The following DLGAP1 variants were observed in gnomAD, a reference collection of about 807,000 sequenced individuals.
The protein encoded by DLGAP1 is DLG associated protein 1.
Under a neutral mutation model 90.8 loss-of-function variants are expected in DLGAP1, and 11 were observed. That is an observed-to-expected ratio of 0.12 (90% CI 0.08 to 0.20). DLGAP1 has a LOEUF of 0.20. Among genes scored for constraint, DLGAP1 ranks in the 10% least tolerant of loss-of-function variants. The probability of loss-of-function intolerance (pLI) is 1.00; values close to 1 mark genes in which losing one functional copy is unlikely to be tolerated. For missense variants in DLGAP1, 1,050 were observed against 1,333.8 expected, an observed-to-expected ratio of 0.79 and a Z score of 3.31; for synonymous variants, 558 against 540.7, an observed-to-expected ratio of 1.03 and a Z score of -0.44.
intron 7 of DLGAP1, among the ~76,000 whole-genome samples, chr18:3,613,051 T>C (rs1182095122): frequency 6.6e-6 from 1 of 152,088 alleles, no homozygotes; most frequent in South Asian, 2.1e-4. Flanking sequence ...CCATGTTGGT[T>C]AGTCTTGAAC....
intron 2 of DLGAP1, among the ~76,000 whole-genome samples, chr18:4,064,544 C>T (rs2075345030): frequency 6.9e-6 from 1 of 145,272 alleles, no homozygotes; most frequent in South Asian, 2.2e-4. Context: ...TAGAAACAGC[C>T]ATCAGAGACT....
intron 5 of DLGAP1, among the ~76,000 whole-genome samples, chr18:3,771,751 G>C (rs2064561327): frequency 6.6e-6 from 1 of 152,074 alleles, no homozygotes; most frequent in South Asian, 2.1e-4. Flanking sequence ...AAAAAATTAA[G>C]GCTCAGAGCA....
At chr18:4,355,949 GCTC>G (rs902235918) in intron 1 of DLGAP1, among the ~76,000 whole-genome samples, 1 of 151,136 alleles carries the variant, frequency 6.6e-6, no homozygotes, top group Non-Finnish European at 1.5e-5. Context: ...TCTTGCATCT[GCTC>G]CAATCATAGC....
intron 1 of DLGAP1, among the ~76,000 whole-genome samples, chr18:4,265,641 T>TCCCTCCCTCCCTCCCTCCC (rs1568480247): frequency 3.5e-5 from 1 of 28,304 alleles, no homozygotes; most frequent in East Asian, 1.2e-3. Flanking sequence ...CTCCCTCCCC[T>TCCCTCCCTCCCTCCCTCCC]TCCCTCCCTC....
At chr18:3,593,546 C>T (rs1280079259) in intron 7 of DLGAP1, among the ~76,000 whole-genome samples, 2 of 152,212 alleles carry the variant, frequency 1.3e-5, no homozygotes, top group African/African-American at 4.8e-5. Flanking sequence ...ATGACTCGCT[C>T]AACTTTTTCT....
chr18:3,915,866 A>G (rs543075338), intron 3 of DLGAP1, among the ~76,000 whole-genome samples: 1 of 152,252 alleles, frequency 6.6e-6, no homozygotes, highest in African/African-American at 2.4e-5. Context: ...AGGAAAGAAT[A>G]GTAAGTCCTG....
intron 7 of DLGAP1, among the ~76,000 whole-genome samples, chr18:3,656,930 T>A (rs2059509807): frequency 6.6e-6 from 1 of 152,066 alleles, no homozygotes; most frequent in Non-Finnish European, 1.5e-5. Flanking sequence ...GTATTTTTAG[T>A]AGAAACATGG....
intron 3 of DLGAP1, among the ~76,000 whole-genome samples, chr18:3,934,450 A>C (rs2148935113): frequency 6.6e-6 from 1 of 152,222 alleles, no homozygotes; most frequent in Admixed American, 6.5e-5. Context: ...GTTGGTATAG[A>C]TGGATTGATG....
chr18:4,447,230 T>A (rs1567931387), intron 1 of DLGAP1, among the ~76,000 whole-genome samples: 1 of 151,572 alleles, frequency 6.6e-6, no homozygotes, highest in Non-Finnish European at 1.5e-5. Flanking sequence ...ATCAGCCTTA[T>A]TTGGAAACAT....
At chr18:3,832,168 C>T (rs12456464) in intron 4 of DLGAP1, among the ~76,000 whole-genome samples, 60,414 of 152,046 alleles carry the variant, frequency 0.4, 12,972 homozygotes, top group East Asian at 0.58. Context: ...TTCTGTCTCC[C>T]GACATTGACT....
At chr18:3,677,370 A>C (rs886832879) in intron 7 of DLGAP1, among the ~76,000 whole-genome samples, 1 of 152,292 alleles carries the variant, frequency 6.6e-6, no homozygotes, top group East Asian at 1.9e-4. Context: ...GGTTTCATTT[A>C]TTGTCTTAAC....
chr18:3,523,563 T>A (rs1204156665), intron 10 of DLGAP1, among the ~76,000 whole-genome samples: 2 of 151,502 alleles, frequency 1.3e-5, no homozygotes, highest in African/African-American at 4.8e-5. Flanking sequence ...TGGGCAAAGG[T>A]CCGACCAGGT....
At chr18:4,120,203 G>A (rs1354595709) in intron 2 of DLGAP1, among the ~76,000 whole-genome samples, 3 of 152,268 alleles carry the variant, frequency 2.0e-5, no homozygotes, top group East Asian at 3.9e-4. Context: ...AAAGCTCCTA[G>A]TTGTTCAGAC....
At chr18:3,588,640 C>T (rs759053367) in intron 7 of DLGAP1, among the ~76,000 whole-genome samples, 2 of 150,736 alleles carry the variant, frequency 1.3e-5, no homozygotes, top group East Asian at 2.0e-4. Flanking sequence ...ATTAGCCAGG[C>T]GTGGTGGTGT....
intron 7 of DLGAP1, among the ~76,000 whole-genome samples, chr18:3,595,638 G>A (rs1169519590): frequency 6.6e-6 from 1 of 152,160 alleles, no homozygotes; most frequent in African/African-American, 2.4e-5. Flanking sequence ...ACAGAACTAG[G>A]GCACACATGT....
At position 3,672,593 on chromosome 18, in the gene DLGAP1, AAAAAAAAAAAAAAAAAGTTAATGAG is replaced by A. The variant is rs1466466395; in HGVS notation, c.1591+56517_1591+56541del. On this transcript the variant is annotated intron_variant, in intron 7 of 12. Coordinates refer to ENST00000315677, the MANE Select transcript of DLGAP1 (RefSeq NM_004746.4). ...ACTCTATCTCAAAAAAAAAAAAAAA[AAAAAAAAAAAAAAAAAGTTAATGAG>A]AAACAGGTAGATAAACCCAGGAGTG... 5.8e-4 allele frequency among the ~76,000 whole-genome samples: 83 copies of A among 143,824 alleles called. 3 individuals are homozygous for A. The highest frequency in any genetic ancestry group is 2.1e-3 in the African/African-American group (75 of 35,732). The allele number at this position is 143,824 out of a possible 152,430, so 94.4% of individuals were successfully genotyped here. A position where few individuals can be genotyped will look rare whatever the true frequency, so the allele number is the denominator to read the frequency against.
intron 10 of DLGAP1, among the ~76,000 whole-genome samples, chr18:3,512,493 A>T (rs2050600330): frequency 6.6e-6 from 1 of 152,186 alleles, no homozygotes; most frequent in Non-Finnish European, 1.5e-5. Flanking sequence ...TCACCCCACA[A>T]CAGATATTTA....
At chr18:4,213,307 G>C (rs763072338) in intron 1 of DLGAP1, among the ~76,000 whole-genome samples, 1 of 152,130 alleles carries the variant, frequency 6.6e-6, no homozygotes. Context: ...GAAATGATTT[G>C]AGGGAACCAG....
chr18:4,384,255 T>G (rs1179588803), intron 1 of DLGAP1, among the ~76,000 whole-genome samples: 2 of 152,168 alleles, frequency 1.3e-5, no homozygotes, highest in African/African-American at 4.8e-5. Flanking sequence ...CTGCACACAC[T>G]AAGTCTGATT....
Sources: allele counts gnomAD v4.1 joint callset (sites outside exome capture counted in the v4.1 genomes callset), GRCh38; gene constraint gnomAD v4.1.1; transcripts MANE v1.5; gene names NCBI Gene and HGNC (gene_info 2026-07-23, HGNC 2026-07-21).